The following ATP9A variants were observed in gnomAD, a reference collection of about 807,000 sequenced individuals.
ATP9A encodes probable phospholipid-transporting ATPase IIA.
ATP9A carries 52 observed loss-of-function variants against 144.1 expected under a neutral mutation model. That is an observed-to-expected ratio of 0.36 (90% CI 0.29 to 0.45). ATP9A has a LOEUF of 0.45. Ranked by LOEUF, ATP9A falls within the 20% of genes least tolerant of loss-of-function variation. ATP9A has a pLI of 1.00. For missense variants in ATP9A, 947 were observed against 1,392.7 expected, an observed-to-expected ratio of 0.68 and a Z score of 5.09; for synonymous variants, 582 against 557.4, an observed-to-expected ratio of 1.04 and a Z score of -0.62.
At chr20:51,710,955 C>G (rs565416313) in intron 4 of ATP9A, among the ~76,000 whole-genome samples, 1 of 152,296 alleles carries the variant, frequency 6.6e-6, no homozygotes, top group African/African-American at 2.4e-5. Context: ...CCACCGCACT[C>G]TCTCCGATGG....
intron 14 of ATP9A, among the ~76,000 whole-genome samples, chr20:51,639,915 G>A (rs1465086265): frequency 5.3e-5 from 8 of 152,118 alleles, no homozygotes; most frequent in South Asian, 2.1e-4. Flanking sequence ...GTGAAACCCC[G>A]TCTTTACTAA....
intron 17 of ATP9A, among the ~76,000 whole-genome samples, chr20:51,627,057 CA>C (rs11481602): frequency 1.9e-3 from 210 of 111,016 alleles, no homozygotes; most frequent in African/African-American, 4.4e-3. Flanking sequence ...AACTCTGTCT[CA>C]AAAAAAAAAA....
chr20:51,760,944 C>T (rs995511256), intron 1 of ATP9A, among the ~76,000 whole-genome samples: 1 of 150,422 alleles, frequency 6.6e-6, no homozygotes, highest in Non-Finnish European at 1.5e-5. Context: ...CAGAGAATTG[C>T]TTAAACCCAG....
chr20:51,765,638 A>C (rs2077900327), intron 1 of ATP9A, among the ~76,000 whole-genome samples: 1 of 148,334 alleles, frequency 6.7e-6, no homozygotes. Context: ...GTGAAGCTAC[A>C]TCTCAAAAAA....
Position 51,611,401 on chromosome 20 carries a change from A to ATT in ATP9A, c.2572-1238_2572-1237dup, listed in dbSNP as rs1226699615. ...TAAAAATGTCAAGAATCTGTTGTTT[A>ATT]TTTTCCAGACCAGTATCAGGAGCCC... is the stretch of plus-strand genomic sequence containing the variant. On this transcript the variant is annotated intron_variant, in intron 23 of 27. Transcript: ENST00000338821. The surrounding 1 kb of genome is among the most constrained non-coding windows in gnomAD (Gnocchi z 4.2). 6.6e-6 allele frequency among the ~76,000 whole-genome samples: 1 copy of ATT among 152,132 alleles called. No individual in the cohort carries two copies. The highest frequency in any genetic ancestry group is 2.4e-5 in the African/African-American group (1 of 41,414).
intron 4 of ATP9A, among the ~76,000 whole-genome samples, chr20:51,701,439 C>A (rs1382512321): frequency 1.3e-5 from 2 of 152,160 alleles, no homozygotes; most frequent in Non-Finnish European, 2.9e-5. Context: ...TTTTAAGTGA[C>A]CAGACCCAGA....
intron 15 of ATP9A, among the ~76,000 whole-genome samples, chr20:51,633,207 G>A (rs2077276829): frequency 6.6e-6 from 1 of 152,182 alleles, no homozygotes; most frequent in South Asian, 2.1e-4. Context: ...GAATGAAATA[G>A]TGGCACATTC....
At chr20:51,678,208 C>T (rs2077485283) in intron 9 of ATP9A, among the ~76,000 whole-genome samples, 1 of 152,022 alleles carries the variant, frequency 6.6e-6, no homozygotes, top group Admixed American at 6.6e-5. Context: ...AAACTTGGAA[C>T]ACGAAGGAGC....
intron 4 of ATP9A, among the ~76,000 whole-genome samples, chr20:51,699,492 C>T (rs1032653032): frequency 6.6e-6 from 1 of 152,030 alleles, no homozygotes; most frequent in African/African-American, 2.4e-5. Context: ...TTTTTCAGAG[C>T]ATTCCAATGT....
At position 51,670,080 on chromosome 20, in the gene ATP9A, T is replaced by C; in HGVS notation, c.1210A>G (p.Lys404Glu). 1 of 1,614,200 alleles carries C rather than the reference T, an allele frequency of 6.2e-7. No individual in the cohort carries two copies. Among genetic ancestry groups the C allele is most frequent in the Non-Finnish European group, 8.5e-7 (1 of 1,180,032 alleles). Residue 404 changes from lysine (K) to glutamate (E), a missense_variant, in exon 13 of 28, where the codon AAA (lysine) becomes GAA (glutamate). Lys to Glu is a moderately conservative substitution (Grantham distance 56). Transcript: ENST00000338821. ...GCTACTGTTCCGAGATGGAGCCGTT[T>C]GAAAATCATCTCGTTCTGGGTAAGA... is the stretch of plus-strand genomic sequence containing the variant. ...GTLTQNEMIF[K>E]RLHLGTVAYG...
intron 1 of ATP9A, among the ~76,000 whole-genome samples, chr20:51,765,893 G>C (rs1372276888): frequency 6.6e-6 from 1 of 151,998 alleles, no homozygotes; most frequent in Non-Finnish European, 1.5e-5. Flanking sequence ...GGAGGCAGAG[G>C]TTGCAGTGGG....
intron 22 of ATP9A, among the ~76,000 whole-genome samples, chr20:51,617,002 C>T (rs952723516): frequency 6.8e-5 from 10 of 146,912 alleles, no homozygotes; most frequent in African/African-American, 1.8e-4. Flanking sequence ...AGTGCAGTGG[C>T]GCAATCTCGG....
chr20:51,642,152 G>A (rs1470618016), intron 14 of ATP9A, among the ~76,000 whole-genome samples: 1 of 151,212 alleles, frequency 6.6e-6, no homozygotes, highest in Non-Finnish European at 1.5e-5. Context: ...TTTTTTGTTT[G>A]TTTTGTTTTG....
chr20:51,758,849 C>T (rs1403505413), intron 1 of ATP9A, among the ~76,000 whole-genome samples: 2 of 152,076 alleles, frequency 1.3e-5, no homozygotes, highest in Non-Finnish European at 2.9e-5. Context: ...CGCTTGAACT[C>T]GGGAGGCGGA....
intron 1 of ATP9A, among the ~76,000 whole-genome samples, chr20:51,733,685 TTTTTTTTTA>T (rs1568841154): frequency 5.0e-5 from 7 of 139,000 alleles, no homozygotes; most frequent in South Asian, 2.2e-4. Flanking sequence ...TTTTTTTTAA[TTTTTTTTTA>T]AATTAAAAAA....
Position 51,622,089 on chromosome 20 carries a change from G to C in ATP9A, c.2100C>G (p.Ile700Met), listed in dbSNP as rs1365902618. ...NAHLVTRNQD[I>M]HVFRLVTNRG... The stretch of plus-strand genomic sequence containing the variant: ...GACACTTTACCAGCCGAAAAACGTG[G>C]ATGTCTTGGTTTCTGGTCACCAGAT... The change falls in exon 19 of 28, where the codon ATC (isoleucine) becomes ATG (methionine). Residue 700 changes from isoleucine to methionine, a missense_variant. Physicochemically the swap from Ile to Met is conservative, Grantham distance 10. Coordinates refer to ENST00000338821, the MANE Select transcript of ATP9A (RefSeq NM_006045.3). 5 of 1,614,058 alleles carry C rather than the reference G, an allele frequency of 3.1e-6. 1 individual carries two copies. The South Asian group carries it at 3.3e-5, about 11-fold the overall frequency.
chr20:51,719,764 G>A (rs1023416734), intron 3 of ATP9A, among the ~76,000 whole-genome samples: 5 of 146,406 alleles, frequency 3.4e-5, no homozygotes, highest in Admixed American at 1.4e-4. Flanking sequence ...AAGAAGAAAC[G>A]GGCTGGGCAC....
At chr20:51,717,626 A>T (rs954654788) in intron 3 of ATP9A, among the ~76,000 whole-genome samples, 3 of 151,968 alleles carry the variant, frequency 2.0e-5, no homozygotes, top group Admixed American at 6.6e-5. Flanking sequence ...AGGTGGGAGT[A>T]GGGGCAGAGA....
chr20:51,625,054 C>T (rs941672192), intron 18 of ATP9A, 138 bp downstream of exon 18: 7 of 681,314 alleles, frequency 1.0e-5, no homozygotes, highest in African/African-American at 1.8e-5. Context: ...GAAACAGTGC[C>T]TGTGGCCCAT....
Sources: allele counts gnomAD v4.1 joint callset (sites outside exome capture counted in the v4.1 genomes callset), GRCh38; gene constraint gnomAD v4.1.1; non-coding constraint Gnocchi (gnomAD v3.1); transcripts MANE v1.5; gene names NCBI Gene and HGNC (gene_info 2026-07-23, HGNC 2026-07-21).